Variants in CADPS observed in about 807,000 individuals in gnomAD.
CADPS encodes the protein calcium dependent secretion activator.
Under a neutral mutation model 167.3 loss-of-function variants are expected in CADPS, and 57 were observed. That is an observed-to-expected ratio of 0.34 (90% CI 0.28 to 0.42). CADPS has a LOEUF of 0.42. Among genes scored for constraint, CADPS ranks in the 20% least tolerant of loss-of-function variants. The pLI is 1.00. For synonymous variants in CADPS, 676 were observed against 635.3 expected (o/e 1.06, Z -0.96); for missense variants, 1,414 against 1,738.1 (o/e 0.81, Z 3.32).
At chr3:62,519,785 A>G (rs950051483) in intron 13 of CADPS, among the ~76,000 whole-genome samples, 3 of 149,602 alleles carry the variant, frequency 2.0e-5, no homozygotes, top group Non-Finnish European at 4.4e-5. Context: ...ATGCTTAACA[A>G]AAACAAATTT....
intron 1 of CADPS, among the ~76,000 whole-genome samples, chr3:62,869,965 A>G (rs1471146177): frequency 6.6e-6 from 1 of 152,158 alleles, no homozygotes; most frequent in East Asian, 1.9e-4. Flanking sequence ...ACTCAGTGCA[A>G]TTCTTCAGGA....
At chr3:62,654,752 T>TG (rs1234601897) in intron 4 of CADPS, among the ~76,000 whole-genome samples, 18 of 152,136 alleles carry the variant, frequency 1.2e-4, no homozygotes, top group African/African-American at 4.3e-4. Context: ...CTCAGTGAAC[T>TG]ACATGGTATT....
chr3:62,832,782 A>G (rs752226992), intron 1 of CADPS, among the ~76,000 whole-genome samples: 9 of 152,244 alleles, frequency 5.9e-5, no homozygotes, highest in Non-Finnish European at 8.8e-5. Flanking sequence ...GCCTCACGTG[A>G]TGGATGAAGC....
At chr3:62,705,979 G>A (rs1378201472) in intron 3 of CADPS, among the ~76,000 whole-genome samples, 3 of 152,070 alleles carry the variant, frequency 2.0e-5, no homozygotes, top group African/African-American at 4.8e-5. Flanking sequence ...AAACCCACAT[G>A]GTTAGTGATG....
intron 1 of CADPS, among the ~76,000 whole-genome samples, chr3:62,773,067 A>T (rs1159631570): frequency 9.1e-6 from 1 of 109,836 alleles, no homozygotes; most frequent in Non-Finnish European, 2.2e-5. Context: ...AAAAAAGTCA[A>T]CTCAACAAGT....
intron 1 of CADPS, among the ~76,000 whole-genome samples, chr3:62,832,024 A>G (rs1308519305): frequency 6.6e-6 from 1 of 152,202 alleles, no homozygotes; most frequent in Non-Finnish European, 1.5e-5. Flanking sequence ...TAAATTATGT[A>G]TCTGTCTCTT....
intron 6 of CADPS, among the ~76,000 whole-genome samples, chr3:62,595,511 T>C (rs1025817559): frequency 6.6e-6 from 1 of 152,216 alleles, no homozygotes; most frequent in African/African-American, 2.4e-5. Context: ...TTTCACAGAC[T>C]AGTTGTAAAG....
intron 6 of CADPS, among the ~76,000 whole-genome samples, chr3:62,627,660 C>T (rs1050592790): frequency 8.6e-5 from 13 of 151,954 alleles, no homozygotes; most frequent in African/African-American, 2.9e-4. Flanking sequence ...TGTATATATC[C>T]ACATTACTTA....
At chr3:62,853,636 AAAAG>A (rs1318500822) in intron 1 of CADPS, among the ~76,000 whole-genome samples, 20 of 143,738 alleles carry the variant, frequency 1.4e-4, no homozygotes, top group South Asian at 6.3e-4. Flanking sequence ...AAAAAAAAAA[AAAAG>A]AAAAGAAAAG....
At chr3:62,605,494 G>A (rs1346387266) in intron 6 of CADPS, among the ~76,000 whole-genome samples, 4 of 152,158 alleles carry the variant, frequency 2.6e-5, no homozygotes, top group Non-Finnish European at 4.4e-5. Context: ...ACCTTATAGG[G>A]TTTCTAATCT....
chr3:62,609,021 G>A (rs1159153915), intron 6 of CADPS, among the ~76,000 whole-genome samples: 7 of 152,138 alleles, frequency 4.6e-5, no homozygotes, highest in African/African-American at 1.7e-4. Flanking sequence ...AGACGTAAGC[G>A]AGGGTAGGTT....
At chr3:62,711,145 T>C (rs963552138) in intron 3 of CADPS, among the ~76,000 whole-genome samples, 5 of 152,206 alleles carry the variant, frequency 3.3e-5, no homozygotes, top group African/African-American at 7.2e-5. Flanking sequence ...ATAAAATATA[T>C]GATATTATAA....
intron 3 of CADPS, among the ~76,000 whole-genome samples, chr3:62,744,603 G>A (rs952838059): frequency 3.3e-5 from 5 of 152,150 alleles, no homozygotes; most frequent in African/African-American, 9.7e-5. Flanking sequence ...AGATTTTGTT[G>A]TTTGGCAAAA....
intron 7 of CADPS, among the ~76,000 whole-genome samples, chr3:62,586,192 C>T (rs1453308226): frequency 6.6e-6 from 1 of 152,190 alleles, no homozygotes; most frequent in East Asian, 1.9e-4. Flanking sequence ...AATATAGGCA[C>T]AACAAAAGCT....
rs762756786 is a variant in CADPS at position 62,474,224 on chromosome 3, A to C, written c.3426T>G (p.Val1142=). ...QSICTMFNVM[V]DAKAQSTKLC... ...GTTTTGTTGATTGAGCTTTGGCATCAACCATAACATTAAACATGGTGCATA... is the reference window on the plus strand; with the variant it reads ...GTTTTGTTGATTGAGCTTTGGCATCCACCATAACATTAAACATGGTGCATA... Residue 1142 remains valine (V), a synonymous_variant, in exon 24 of 30, where the codon GTT becomes GTG. Coordinates refer to ENST00000383710, the MANE Select transcript of CADPS (RefSeq NM_003716.4). 1 of 1,515,438 alleles carries C rather than the reference A, an allele frequency of 6.6e-7. No individual in the cohort carries two copies. Among genetic ancestry groups the C allele is most frequent in the Non-Finnish European group, 8.9e-7 (1 of 1,129,720 alleles). 93.9% of individuals were successfully genotyped at this position (1,515,438 alleles called of 1,614,324 possible).
rs1443595777 is a variant in CADPS at position 62,498,386 on chromosome 3, G to A, written c.2706+776C>T. On this transcript the variant is annotated intron_variant, in intron 18 of 29. Transcript: ENST00000383710. ...AAATCTGAATGTAGAGAAAGGGGGA[G>A]AATTATGCAATTTTCAAAAAGATTA... Among the ~76,000 whole-genome samples the A allele has an allele frequency of 3.9e-5, 6 of 152,138 alleles. No homozygotes were observed. In the East Asian group the frequency reaches 1.2e-3, roughly 29 times the overall value.
In CADPS at chr3:62,478,733, T is replaced by C. The variant is rs917894063; in HGVS notation, c.3174-317A>G. ...ATAACCACATTAACACATGTGATGA[T>C]TCAGATGAAGGCCACGAACCAGGGG... On this transcript the variant is annotated intron_variant, in intron 22 of 29. Transcript: ENST00000383710. This position sits in a 1 kb window ranked among gnomAD's most constrained non-coding sequence, Gnocchi z 5.7. Among the ~76,000 whole-genome samples the C allele has an allele frequency of 1.3e-5, 2 of 152,184 alleles. No individual in the cohort carries two copies. Among genetic ancestry groups the C allele is most frequent in the African/African-American group, 4.8e-5 (2 of 41,450 alleles).
intron 11 of CADPS, among the ~76,000 whole-genome samples, chr3:62,539,889 GCCA>G (rs2152083105): frequency 6.6e-6 from 1 of 152,246 alleles, no homozygotes; most frequent in African/African-American, 2.4e-5. Flanking sequence ...GACTAGCTCT[GCCA>G]CCACTAGGTA....
chr3:62,708,691 G>C (rs868556923), intron 3 of CADPS, among the ~76,000 whole-genome samples: 1 of 152,180 alleles, frequency 6.6e-6, no homozygotes, highest in Middle Eastern at 3.4e-3. Context: ...TATTAGGAGA[G>C]AGCCAAAGCA....
Sources: allele counts gnomAD v4.1 joint callset (sites outside exome capture counted in the v4.1 genomes callset), GRCh38; gene constraint gnomAD v4.1.1; non-coding constraint Gnocchi (gnomAD v3.1); transcripts MANE v1.5; gene names NCBI Gene and HGNC (gene_info 2026-07-23, HGNC 2026-07-21).